Variants in TLK1 observed in about 807,000 individuals in gnomAD.
TLK1 encodes the protein tousled like kinase 1.
In TLK1, 24 loss-of-function variants were observed where a neutral mutation model predicts 105.3. The ratio of observed to expected loss-of-function variants is 0.23; its 90% CI spans 0.17 to 0.32. TLK1 has a LOEUF of 0.32. TLK1 is among the 10% of genes least tolerant of loss of function. The probability of loss-of-function intolerance (pLI) is 1.00; values close to 1 mark genes in which losing one functional copy is unlikely to be tolerated. For missense variants in TLK1, 558 were observed against 910.5 expected (o/e 0.61, Z 4.98); for synonymous variants, 321 against 310.4 (o/e 1.03, Z -0.36).
chr2:171,014,010 A>G (rs545150735), intron 13 of TLK1, among the ~76,000 whole-genome samples: 1 of 152,360 alleles, frequency 6.6e-6, no homozygotes, highest in Non-Finnish European at 1.5e-5. Flanking sequence ...CATTCTGACA[A>G]CTGATTAAGA....
intron 1 of TLK1, among the ~76,000 whole-genome samples, chr2:171,131,328 C>A (rs935825813): frequency 6.6e-6 from 1 of 152,120 alleles, no homozygotes; most frequent in Non-Finnish European, 1.5e-5. Flanking sequence ...ATAATCAGAT[C>A]CCCTAGTGTC....
intron 1 of TLK1, among the ~76,000 whole-genome samples, chr2:171,207,490 G>A (rs562953855): frequency 1.3e-5 from 2 of 152,260 alleles, no homozygotes; most frequent in South Asian, 4.1e-4. Flanking sequence ...ACAACACCAA[G>A]AGGGAACCCT....
At chr2:171,162,120 A>G (rs1005684642), upstream of TLK1, among the ~76,000 whole-genome samples, 4 of 152,240 alleles carry the variant, frequency 2.6e-5, no homozygotes, top group African/African-American at 9.6e-5. Context: ...AAGTAATTGT[A>G]GTTGCCTTGT....
intron 19 of TLK1, among the ~76,000 whole-genome samples, chr2:170,997,369 T>A (rs1012356201): frequency 6.6e-6 from 1 of 152,036 alleles, no homozygotes; most frequent in African/African-American, 2.4e-5. Flanking sequence ...GGCCAAACTG[T>A]GTGTGTGGGT....
At chr2:171,161,287 C>T (rs1042201031), upstream of TLK1, among the ~76,000 whole-genome samples, 2 of 151,940 alleles carry the variant, frequency 1.3e-5, no homozygotes, top group African/African-American at 4.8e-5. Context: ...GACCCACACC[C>T]AACACGGGGA....
intron 1 of TLK1, among the ~76,000 whole-genome samples, chr2:171,127,294 G>A (rs4027695): frequency 0.017 from 988 of 59,334 alleles, 26 homozygotes; most frequent in African/African-American, 0.044. Flanking sequence ...AAAAAAAAAA[G>A]AAAGAAAAAA....
chr2:171,163,141 A>G (rs1429347218), upstream of TLK1, among the ~76,000 whole-genome samples: 1 of 152,176 alleles, frequency 6.6e-6, no homozygotes, highest in Non-Finnish European at 1.5e-5. Flanking sequence ...ATTCGTCCAC[A>G]TTGTTGCATT....
intron 1 of TLK1, among the ~76,000 whole-genome samples, chr2:171,123,759 T>C (rs1244349759): frequency 6.6e-6 from 1 of 151,996 alleles, no homozygotes; most frequent in Non-Finnish European, 1.5e-5. Context: ...TTGCAGTGAG[T>C]CATGATTGTG....
intron 1 of TLK1, among the ~76,000 whole-genome samples, chr2:171,149,699 G>A (rs1169061990): frequency 6.6e-6 from 1 of 152,054 alleles, no homozygotes; most frequent in Non-Finnish European, 1.5e-5. Flanking sequence ...TGAGCCCAGG[G>A]GTTCAAGACC....
intron 1 of TLK1, among the ~76,000 whole-genome samples, chr2:171,197,758 GAC>G (rs1693301301): frequency 7.3e-6 from 1 of 136,180 alleles, no homozygotes; most frequent in African/African-American, 2.8e-5. Context: ...CAGCTGGGGT[GAC>G]AGAGTGAGAC....
chr2:171,190,285 T>C (rs953630595), intron 1 of TLK1, among the ~76,000 whole-genome samples: 1 of 152,112 alleles, frequency 6.6e-6, no homozygotes, highest in Non-Finnish European at 1.5e-5. Flanking sequence ...AGGAATCATT[T>C]TCAGGAAAAC....
intron 2 of TLK1, among the ~76,000 whole-genome samples, chr2:171,090,197 TAAAG>T (rs897144144): frequency 1.3e-5 from 2 of 152,218 alleles, no homozygotes; most frequent in African/African-American, 4.8e-5. Flanking sequence ...ATTTTTATTA[TAAAG>T]ATTTAATAAC....
At chr2:171,036,243 G>A (rs967371071) in intron 11 of TLK1, among the ~76,000 whole-genome samples, 1 of 152,112 alleles carries the variant, frequency 6.6e-6, no homozygotes, top group Non-Finnish European at 1.5e-5. Flanking sequence ...TCAGGAGTTC[G>A]AGACCAGCCT....
At chr2:171,109,468 G>T (rs944658076) in intron 2 of TLK1, among the ~76,000 whole-genome samples, 2 of 152,050 alleles carry the variant, frequency 1.3e-5, no homozygotes, top group African/African-American at 4.8e-5. Flanking sequence ...CAAGAAACAA[G>T]AAAAGTTAAA....
At position 170,992,858 on chromosome 2, in the gene TLK1, G is replaced by A. The variant is rs567724395; in HGVS notation, c.*922C>T. 1 of 152,580 alleles carries A rather than the reference G, an allele frequency of 6.6e-6. No homozygotes were observed. The allele number at this position is 152,580 out of a possible 1,614,324, so 9.5% of individuals were successfully genotyped here. On this transcript the variant is annotated 3_prime_UTR_variant, in exon 21 of 21. Coordinates refer to ENST00000431350, the MANE Select transcript of TLK1 (RefSeq NM_012290.5). Reference sequence around the variant, plus strand: ...AACATTTGTACAAGAATAAGCTGCTGAAACTTAGTAATTGAAATATGACAT... The same window carrying A: ...AACATTTGTACAAGAATAAGCTGCTAAAACTTAGTAATTGAAATATGACAT...
intron 1 of TLK1, among the ~76,000 whole-genome samples, chr2:171,223,254 C>T (rs893685483): frequency 6.6e-6 from 1 of 152,190 alleles, no homozygotes; most frequent in African/African-American, 2.4e-5. Context: ...TACTAATTTA[C>T]ATTCCCACCA....
intron 11 of TLK1, among the ~76,000 whole-genome samples, chr2:171,028,671 G>C (rs1685893267): frequency 6.6e-6 from 1 of 152,028 alleles, no homozygotes; most frequent in Non-Finnish European, 1.5e-5. Flanking sequence ...AATACTTTTA[G>C]ATGAAACAGT....
In TLK1 at chr2:171,192,727, G is replaced by A. The variant is rs547191724; in HGVS notation, c.-6+38418C>T. 2.5e-3 allele frequency among the ~76,000 whole-genome samples: 375 copies of A among 152,140 alleles called. 1 individual carries two copies. Among genetic ancestry groups the A allele is most frequent in the African/African-American group, 8.7e-3 (361 of 41,532 alleles). On this transcript the variant is annotated intron_variant, in intron 1 of 20. Transcript: ENST00000521943. ...TAAAGAAGAAGTATTGGTAACAAAA[G>A]AAATCAGTCTGAACCACTGGACTTT...
chr2:171,015,476 C>T (rs1044782633), intron 12 of TLK1, among the ~76,000 whole-genome samples: 1 of 139,376 alleles, frequency 7.2e-6, no homozygotes, highest in Admixed American at 7.2e-5. Context: ...TGACCACTCA[C>T]TTGCAATCCT....
Sources: allele counts gnomAD v4.1 joint callset (sites outside exome capture counted in the v4.1 genomes callset), GRCh38; gene constraint gnomAD v4.1.1; transcripts MANE v1.5; gene names NCBI Gene and HGNC (gene_info 2026-07-23, HGNC 2026-07-21).